MAST4: variants seen among roughly 807,000 people sequenced by gnomAD.
MAST4 encodes microtubule associated serine/threonine kinase family member 4, also known as microtubule-associated serine/threonine-protein kinase 4.
A neutral mutation model predicts 162.7 loss-of-function variants in MAST4; 89 were observed. The ratio of observed to expected loss-of-function variants is 0.55; its 90% CI spans 0.46 to 0.65. The LOEUF (loss-of-function observed/expected upper bound fraction) is 0.65, where lower values mean the gene tolerates loss of function less well. MAST4 is among the 30% of genes least tolerant of loss of function. MAST4 has a pLI of 0.00. For missense variants in MAST4, 3,153 were observed against 3,374.0 expected (o/e 0.93, Z 1.62); for synonymous variants, 1,479 against 1,361.1 (o/e 1.09, Z -1.91).
intron 23 of MAST4, among the ~76,000 whole-genome samples, chr5:67,147,296 A>G (rs766877633): frequency 2.0e-5 from 3 of 152,186 alleles, no homozygotes; most frequent in Non-Finnish European, 2.9e-5. Flanking sequence ...GACTGTAGTA[A>G]AATTAAATTT....
At chr5:67,006,852 C>T (rs1317156844) in intron 4 of MAST4, among the ~76,000 whole-genome samples, 1 of 152,252 alleles carries the variant, frequency 6.6e-6, no homozygotes, top group Admixed American at 6.5e-5. Flanking sequence ...AATGGGAGAG[C>T]ATTGGGTGGG....
chr5:67,114,791 T>TA (rs1378529031), intron 12 of MAST4: 2 of 152,462 alleles, frequency 1.3e-5, no homozygotes, highest in East Asian at 3.9e-4. Flanking sequence ...CTCACGCCTG[T>TA]AATCCCAGCA....
In MAST4 at chr5:67,169,278, A is replaced by G. The variant is rs1303863674; in HGVS notation, c.*2227A>G. On this transcript the variant is annotated 3_prime_UTR_variant, in exon 29 of 29. Coordinates refer to ENST00000403625, the MANE Select transcript of MAST4 (RefSeq NM_001164664.2). ...TTTGCCAAATATGTTTTTCATTATA[A>G]ATGAGTAAAGAGTACTTAAGGTTGC... 1 of 152,178 alleles carries G rather than the reference A, an allele frequency of 6.6e-6. No individual in the cohort carries two copies. Among genetic ancestry groups the G allele is most frequent in the Non-Finnish European group, 1.5e-5 (1 of 68,032 alleles). 9.4% of individuals were successfully genotyped at this position (152,178 alleles called of 1,614,324 possible).
At chr5:66,644,485 T>C (rs1452578645) in intron 1 of MAST4, among the ~76,000 whole-genome samples, 1 of 152,222 alleles carries the variant, frequency 6.6e-6, no homozygotes, top group African/African-American at 2.4e-5. Flanking sequence ...AGAAATCTCT[T>C]TGGCTCAGCT....
chr5:67,025,874 G>A (rs921290083), intron 4 of MAST4, among the ~76,000 whole-genome samples: 6 of 152,160 alleles, frequency 3.9e-5, no homozygotes, highest in Admixed American at 6.6e-5. Context: ...CCTGTACTTC[G>A]TGTAGTACTT....
intron 4 of MAST4, among the ~76,000 whole-genome samples, chr5:66,978,985 C>T (rs1748466001): frequency 6.6e-6 from 1 of 151,908 alleles, no homozygotes; most frequent in Admixed American, 6.6e-5. Flanking sequence ...GAAAGGCAGG[C>T]TTGAGAAGGG....
intron 3 of MAST4, among the ~76,000 whole-genome samples, chr5:66,896,526 A>G (rs549259540): frequency 1.3e-5 from 2 of 152,228 alleles, no homozygotes; most frequent in Non-Finnish European, 2.9e-5. Flanking sequence ...GAGTATCTAC[A>G]TGTATTATTT....
chr5:66,931,208 C>T (rs774698414), intron 4 of MAST4, among the ~76,000 whole-genome samples: 3 of 152,028 alleles, frequency 2.0e-5, no homozygotes, highest in African/African-American at 2.4e-5. Context: ...TTATACTTAC[C>T]GAAGTATATA....
rs188105095 is a variant in MAST4, at chr5:66,884,025, A to C, written c.643-15926A>C. Among the ~76,000 whole-genome samples, 274 of 152,320 alleles carry C rather than the reference A, an allele frequency of 1.8e-3. 1 individual carries two copies. The highest frequency in any genetic ancestry group is 6.3e-3 in the African/African-American group (261 of 41,578). On this transcript the variant is annotated intron_variant, in intron 3 of 28. Transcript: ENST00000403625. ...TCAAGACTGAAATTCTAAGTTACTAAGTACAATAGCTGGTATATGGTGTGG... is the reference window on the plus strand; with the variant it reads ...TCAAGACTGAAATTCTAAGTTACTACGTACAATAGCTGGTATATGGTGTGG...
intron 1 of MAST4, among the ~76,000 whole-genome samples, chr5:66,699,398 G>A (rs1231995434): frequency 1.3e-5 from 2 of 152,152 alleles, no homozygotes; most frequent in African/African-American, 4.8e-5. Context: ...CAGGCCCTAA[G>A]GGGTGGAACT....
chr5:67,003,697 C>A (rs1303520348), intron 4 of MAST4: 3 of 152,054 alleles, frequency 2.0e-5, no homozygotes, highest in Admixed American at 2.0e-4. Context: ...ATTTAAATAC[C>A]ATGCCTTTCT....
At chr5:66,601,043 A>G (rs1239941443) in intron 1 of MAST4, among the ~76,000 whole-genome samples, 1 of 152,238 alleles carries the variant, frequency 6.6e-6, no homozygotes, top group Non-Finnish European at 1.5e-5. Context: ...GTATATGAGC[A>G]TGACGACTGC....
intron 5 of MAST4, among the ~76,000 whole-genome samples, chr5:67,088,753 A>G (rs879410050): frequency 2.0e-5 from 3 of 152,220 alleles, no homozygotes; most frequent in East Asian, 1.9e-4. Context: ...AAAATGCTTC[A>G]TGATTCTCTA....
intron 5 of MAST4, among the ~76,000 whole-genome samples, chr5:67,077,921 G>A (rs770634449): frequency 1.3e-5 from 2 of 152,108 alleles, no homozygotes; most frequent in Non-Finnish European, 2.9e-5. Context: ...CCAACATGGT[G>A]AAACCCCCTC....
chr5:66,923,264 A>C (rs1249708179), intron 4 of MAST4, among the ~76,000 whole-genome samples: 4 of 152,170 alleles, frequency 2.6e-5, no homozygotes. Context: ...AAAGCAGTAT[A>C]ACTGATTAAA....
intron 3 of MAST4, among the ~76,000 whole-genome samples, chr5:66,795,771 T>C (rs1001852598): frequency 6.6e-6 from 1 of 152,204 alleles, no homozygotes; most frequent in East Asian, 1.9e-4. Context: ...CCTGTATTGC[T>C]CTTGGGATAC....
intron 1 of MAST4, among the ~76,000 whole-genome samples, chr5:66,601,534 T>C (rs1020868651): frequency 2.0e-5 from 3 of 152,234 alleles, no homozygotes; most frequent in African/African-American, 7.2e-5. Context: ...ACTGAGTCAC[T>C]GAGGAAGTGA....
intron 5 of MAST4, among the ~76,000 whole-genome samples, chr5:67,071,627 G>C (rs1561609615): frequency 1.3e-5 from 2 of 152,286 alleles, no homozygotes; most frequent in South Asian, 4.1e-4. Context: ...GGGCATAGTG[G>C]CATACACCTG....
At chr5:66,717,889 C>T (rs1390750927) in intron 1 of MAST4, among the ~76,000 whole-genome samples, 2 of 152,194 alleles carry the variant, frequency 1.3e-5, no homozygotes, top group Non-Finnish European at 2.9e-5. Flanking sequence ...TAGCCCTGCT[C>T]ACTGCCTGAG....
Sources: allele counts gnomAD v4.1 joint callset (sites outside exome capture counted in the v4.1 genomes callset), GRCh38; gene constraint gnomAD v4.1.1; transcripts MANE v1.5; gene names NCBI Gene and HGNC (gene_info 2026-07-23, HGNC 2026-07-21).